The following CASC3 variants were observed in gnomAD, a reference collection of about 807,000 sequenced individuals.
The protein encoded by CASC3 is protein CASC3.
A neutral mutation model predicts 80.5 loss-of-function variants in CASC3; 30 were observed. The observed-to-expected ratio is 0.37, with a 90% CI of 0.28 to 0.51. The LOEUF (loss-of-function observed/expected upper bound fraction) is 0.51, where lower values mean the gene tolerates loss of function less well. CASC3 is among the 20% of genes least tolerant of loss of function. The pLI is 0.94. For missense variants in CASC3, 824 were observed against 922.2 expected, an observed-to-expected ratio of 0.89 and a Z score of 1.38; for synonymous variants, 312 against 333.6, an observed-to-expected ratio of 0.94 and a Z score of 0.70.
At chr17:40,164,734 A>G (rs1213939937) in intron 7 of CASC3, among the ~76,000 whole-genome samples, 3 of 139,838 alleles carry the variant, frequency 2.1e-5, no homozygotes. Context: ...TGTGAGCCAC[A>G]GCCACCGTGC....
intron 11 of CASC3, 181 bp downstream of exon 11, chr17:40,168,598 A>G: frequency 1.6e-6 from 1 of 609,000 alleles, no homozygotes; most frequent in Non-Finnish European, 2.9e-6. Flanking sequence ...AATGCCCATC[A>G]TCTTTATTCT....
chr17:40,164,053 C>T lies in CASC3; in HGVS notation c.1358C>T (p.Ala453Val), dbSNP rs780562731. The T allele has an allele frequency of 1.2e-6, 2 of 1,613,964 alleles. No individual in the cohort carries two copies. The highest frequency in any genetic ancestry group is 2.7e-5 in the African/African-American group (2 of 75,036). ...TPPTKTGTWE[A>V]PVDSSTSGLE... ...CCTACTAAGACTGGGACCTGGGAAG[C>T]TCCGGTGGATTCTAGTACAAGTGGA... Residue 453 changes from alanine (A) to valine (V), a missense_variant, in exon 7 of 14, where the codon GCT becomes GTT. By Grantham distance (64) the Ala-to-Val change is moderately conservative. This residue lies in a region of CASC3 where 464 missense variants were observed against 506.0 expected (regional missense o/e 0.92). Transcript: ENST00000264645.
At chr17:40,169,102 A>G (rs1989526080) in intron 11 of CASC3, 2 of 461,084 alleles carry the variant, frequency 4.3e-6, no homozygotes, top group African/African-American at 4.1e-5. Flanking sequence ...GGTAGGAATT[A>G]GAGAAAGCTG....
rs1341115430 is a variant in CASC3 at position 40,170,513 on chromosome 17, A to G, written c.*108A>G. On this transcript the variant is annotated 3_prime_UTR_variant, in exon 14 of 14. Coordinates refer to ENST00000264645, the MANE Select transcript of CASC3 (RefSeq NM_007359.5). The stretch of plus-strand genomic sequence containing the variant: ...ATCTACTACCAGAAGGGCTTCAAAG[A>G]TATAGGGTGTGGCTCCTACCAGCAA... The G allele has an allele frequency of 1.6e-5, 16 of 985,478 alleles. No individual in the cohort carries two copies. Among genetic ancestry groups the G allele is most frequent in the Non-Finnish European group, 1.9e-5 (16 of 829,976 alleles). The allele number at this position is 985,478 out of a possible 1,614,324, so 61.0% of individuals were successfully genotyped here. A position where few individuals can be genotyped will look rare whatever the true frequency, so the allele number is the denominator to read the frequency against.
At chr17:40,168,161 G>T (rs1598432119) in intron 10 of CASC3, 42 bp from the exon 11 acceptor site, 1 of 1,553,242 alleles carries the variant, frequency 6.4e-7, no homozygotes, top group African/African-American at 1.4e-5. Flanking sequence ...CTGTGAAAAT[G>T]ATGTTACTTT....
At chr17:40,155,450 C>T (rs1358984959) in intron 3 of CASC3, among the ~76,000 whole-genome samples, 3 of 152,060 alleles carry the variant, frequency 2.0e-5, no homozygotes, top group Non-Finnish European at 2.9e-5. Flanking sequence ...AAAAGTGGAG[C>T]AGTTTTACTT....
chr17:40,163,115 A>G (rs1046886960), intron 6 of CASC3, among the ~76,000 whole-genome samples: 2 of 151,676 alleles, frequency 1.3e-5, no homozygotes, highest in African/African-American at 4.8e-5. Flanking sequence ...TATCTTTTAG[A>G]AAGAATTCTC....
At position 40,141,253 on chromosome 17, in the gene CASC3, C is replaced by T. The variant is rs1988708457; in HGVS notation, c.259+19C>T. The T allele has an allele frequency of 3.1e-6, 5 of 1,609,326 alleles. No individual in the cohort carries two copies. The highest frequency in any genetic ancestry group is 4.3e-6 in the Non-Finnish European group (5 of 1,175,990). ...GGTGATGGTGAGTAGCATCTTTTAC[C>T]CCATTAGGACAAGAGTTTTTTTTAA... On this transcript the variant is annotated intron_variant, in intron 2 of 13. Transcript: ENST00000264645.
chr17:40,164,836 A>G (rs557212073), intron 7 of CASC3, among the ~76,000 whole-genome samples: 2 of 135,856 alleles, frequency 1.5e-5, no homozygotes, highest in South Asian at 2.3e-4. Flanking sequence ...GCTCACTACA[A>G]CCTCTGCGTC....
chr17:40,152,000 T>C (rs912119860), intron 3 of CASC3, among the ~76,000 whole-genome samples: 1 of 152,208 alleles, frequency 6.6e-6, no homozygotes, highest in Non-Finnish European at 1.5e-5. Context: ...TCTTGATATA[T>C]GTGTACATTG....
At position 40,169,678 on chromosome 17, in the gene CASC3, A is replaced by C. The variant is rs1989544853; in HGVS notation, c.*41+16A>C. Reference sequence around the variant, plus strand: ...TCATATAAAAGTAAGTGCACAACTTACTGTGAATATTGTTAAAACTAATGC... The same window carrying C: ...TCATATAAAAGTAAGTGCACAACTTCCTGTGAATATTGTTAAAACTAATGC... On this transcript the variant is annotated intron_variant, in intron 13 of 13. Transcript: ENST00000264645. 1 of 1,328,632 alleles carries C rather than the reference A, an allele frequency of 7.5e-7. No homozygotes were observed. Among genetic ancestry groups the C allele is most frequent in the African/African-American group, 1.5e-5 (1 of 65,240 alleles). 82.3% of individuals were successfully genotyped at this position (1,328,632 alleles called of 1,614,324 possible). A position where few individuals can be genotyped will look rare whatever the true frequency, so the allele number is the denominator to read the frequency against.
At chr17:40,143,669 A>C (rs775477325) in intron 3 of CASC3, among the ~76,000 whole-genome samples, 4 of 151,386 alleles carry the variant, frequency 2.6e-5, no homozygotes, top group South Asian at 2.1e-4. Flanking sequence ...GTCTCTACTA[A>C]AAATACAAAA....
intron 11 of CASC3, 135 bp from the exon 12 acceptor site, chr17:40,169,189 G>A (rs1023958901): frequency 1.1e-6 from 1 of 918,358 alleles, no homozygotes; most frequent in African/African-American, 1.7e-5. Context: ...ACTTTATTTT[G>A]AAGGGTGGGC....
chr17:40,155,176 A>G (rs1989115269), intron 3 of CASC3, among the ~76,000 whole-genome samples: 1 of 152,162 alleles, frequency 6.6e-6, no homozygotes, highest in South Asian at 2.1e-4. Context: ...GGCATGAGCC[A>G]CTGCGCCTGG....
At chr17:40,159,209 C>T (rs1989226795) in intron 3 of CASC3, among the ~76,000 whole-genome samples, 1 of 152,054 alleles carries the variant, frequency 6.6e-6, no homozygotes, top group Admixed American at 6.6e-5. Context: ...TGCACTCCAG[C>T]CTGGGCGACA....
chr17:40,165,922 C>T (rs1214128141), intron 7 of CASC3, among the ~76,000 whole-genome samples: 1 of 151,766 alleles, frequency 6.6e-6, no homozygotes, highest in Admixed American at 6.6e-5. Context: ...CACATCATTA[C>T]ACCTGGCTGA....
At chr17:40,142,402 C>G (rs1988741004) in intron 3 of CASC3, among the ~76,000 whole-genome samples, 1 of 152,188 alleles carries the variant, frequency 6.6e-6, no homozygotes, top group African/African-American at 2.4e-5. Context: ...GGTACTGAAT[C>G]CATCTTAGGC....
chr17:40,164,107 T>G lies in CASC3; in HGVS notation c.1412T>G (p.Ile471Arg). The G allele has an allele frequency of 1.2e-6, 2 of 1,613,576 alleles. No homozygotes were observed. Among genetic ancestry groups the G allele is most frequent in the South Asian group, 2.2e-5 (2 of 91,072 alleles). ...GLEQDVAQLN[I>R]AEQNWSPGQP... ...GAGCAAGATGTGGCACAACTAAATA[T>G]AGCAGAACAGAATTGGAGTCCGGGG... Residue 471 changes from isoleucine to arginine, a missense_variant, in exon 7 of 14, where the codon ATA (isoleucine) becomes AGA (arginine). Physicochemically the swap from Ile to Arg is moderately conservative, Grantham distance 97. This residue lies in a region of CASC3 where 464 missense variants were observed against 506.0 expected (regional missense o/e 0.92). Transcript: ENST00000264645.
At chr17:40,149,914 A>C (rs1259816532) in intron 3 of CASC3, among the ~76,000 whole-genome samples, 1 of 152,176 alleles carries the variant, frequency 6.6e-6, no homozygotes, top group Non-Finnish European at 1.5e-5. Context: ...CTCCGTCTCA[A>C]AAAAAAGGGA....
Sources: allele counts gnomAD v4.1 joint callset (sites outside exome capture counted in the v4.1 genomes callset), GRCh38; gene constraint gnomAD v4.1.1; regional missense constraint gnomAD v4.1.1; transcripts MANE v1.5; gene names NCBI Gene and HGNC (gene_info 2026-07-23, HGNC 2026-07-21).